LRRC4C: variants seen among roughly 807,000 people sequenced by gnomAD.
LRRC4C encodes the protein leucine rich repeat containing 4C.
Under a neutral mutation model 33.6 loss-of-function variants are expected in LRRC4C, and 5 were observed. That is an observed-to-expected ratio of 0.15 (90% CI 0.08 to 0.31). The LOEUF (loss-of-function observed/expected upper bound fraction) is 0.31. Among genes scored for constraint, LRRC4C ranks in the 10% least tolerant of loss-of-function variants. LRRC4C has a pLI of 1.00. For missense variants in LRRC4C, 560 were observed against 796.7 expected (o/e 0.70, Z 3.58); for synonymous variants, 329 against 302.0 (o/e 1.09, Z -0.93).
intron 1 of LRRC4C, among the ~76,000 whole-genome samples, chr11:41,411,401 G>A (rs777987781): frequency 5.3e-5 from 8 of 151,650 alleles, no homozygotes; most frequent in South Asian, 2.1e-4. Flanking sequence ...GCCCACCTCC[G>A]CCTCCCAAAG....
At chr11:40,879,635 GACAC>G (rs1447376537) in intron 2 of LRRC4C, among the ~76,000 whole-genome samples, 5 of 152,060 alleles carry the variant, frequency 3.3e-5, no homozygotes, top group Admixed American at 3.3e-4. Flanking sequence ...GCAGCAAACA[GACAC>G]ACACACGCAC....
intron 2 of LRRC4C, among the ~76,000 whole-genome samples, chr11:40,932,115 G>A (rs1957655569): frequency 6.6e-6 from 1 of 152,152 alleles, no homozygotes; most frequent in African/African-American, 2.4e-5. Flanking sequence ...AGAATTTGCA[G>A]CATTGCTATA....
chr11:40,723,234 G>A (rs1947117334), intron 2 of LRRC4C, among the ~76,000 whole-genome samples: 1 of 151,774 alleles, frequency 6.6e-6, no homozygotes, highest in Non-Finnish European at 1.5e-5. Context: ...AGGTCAACAG[G>A]GGAATATGAA....
chr11:40,893,822 C>A (rs10837521), intron 2 of LRRC4C, among the ~76,000 whole-genome samples: 419 of 4,760 alleles, frequency 0.088, 2 homozygotes, highest in Non-Finnish European at 0.31. Flanking sequence ...TATTATAACA[C>A]ACACACACAC....
chr11:40,312,028 G>T (rs1945339655), intron 4 of LRRC4C, among the ~76,000 whole-genome samples: 2 of 151,184 alleles, frequency 1.3e-5, no homozygotes, highest in South Asian at 4.2e-4. Flanking sequence ...GCATCTTAAA[G>T]CTATGGATTT....
intron 2 of LRRC4C, among the ~76,000 whole-genome samples, chr11:40,804,591 T>C (rs957915577): frequency 1.3e-5 from 2 of 152,140 alleles, no homozygotes; most frequent in African/African-American, 4.8e-5. Context: ...CCACTGTGTA[T>C]TACGTTCCCC....
chr11:40,187,934 A>G (rs1045959876), intron 5 of LRRC4C, among the ~76,000 whole-genome samples: 1 of 152,228 alleles, frequency 6.6e-6, no homozygotes, highest in African/African-American at 2.4e-5. Flanking sequence ...ATCCTCTGCT[A>G]GCCAGCCAGA....
intron 4 of LRRC4C, among the ~76,000 whole-genome samples, chr11:40,274,420 C>CACAT (rs1250508519): frequency 1.6e-5 from 2 of 125,670 alleles, no homozygotes; most frequent in Admixed American, 8.6e-5. Context: ...AATAGACACA[C>CACAT]ACATACACAC....
chr11:40,401,283 A>G (rs532695673), intron 3 of LRRC4C, among the ~76,000 whole-genome samples: 3 of 151,576 alleles, frequency 2.0e-5, no homozygotes, highest in South Asian at 4.2e-4. Flanking sequence ...GTAAGCTCTT[A>G]TCTTACCACA....
intron 2 of LRRC4C, among the ~76,000 whole-genome samples, chr11:40,763,171 T>C (rs934387552): frequency 2.0e-5 from 3 of 151,754 alleles, no homozygotes; most frequent in African/African-American, 7.3e-5. Context: ...TATGCATATA[T>C]TGTGGGAACT....
chr11:40,701,990 A>C (rs1945881856), intron 2 of LRRC4C, among the ~76,000 whole-genome samples: 1 of 151,962 alleles, frequency 6.6e-6, no homozygotes, highest in Admixed American at 6.6e-5. Context: ...TGAAATAATT[A>C]GTAAATATAA....
At chr11:41,028,333 A>G (rs1856511536) in intron 1 of LRRC4C, among the ~76,000 whole-genome samples, 1 of 151,730 alleles carries the variant, frequency 6.6e-6, no homozygotes, top group Non-Finnish European at 1.5e-5. Flanking sequence ...GTTTGGTTTC[A>G]AAATAGACTT....
chr11:41,137,257 GA>G (rs1024141825), intron 1 of LRRC4C, among the ~76,000 whole-genome samples: 5 of 151,366 alleles, frequency 3.3e-5, no homozygotes, highest in East Asian at 3.9e-4. Context: ...AAGAAAAAAA[GA>G]AAAAAAAGTG....
chr11:41,083,417 C>A (rs1284461944), intron 1 of LRRC4C, among the ~76,000 whole-genome samples: 3 of 152,054 alleles, frequency 2.0e-5, no homozygotes, highest in African/African-American at 4.8e-5. Context: ...AAGAATGCAA[C>A]AGAGAACAGA....
chr11:41,180,330 G>T (rs1332335877), intron 1 of LRRC4C, among the ~76,000 whole-genome samples: 1 of 152,160 alleles, frequency 6.6e-6, no homozygotes, highest in Admixed American at 6.5e-5. Flanking sequence ...ATCCAGTGAG[G>T]TATTTCTTGT....
chr11:41,311,040 A>G (rs1327281050), intron 1 of LRRC4C, among the ~76,000 whole-genome samples: 1 of 152,206 alleles, frequency 6.6e-6, no homozygotes, highest in East Asian at 1.9e-4. Flanking sequence ...TTTGATTCGC[A>G]TCTATTCTTA....
chr11:41,109,128 A>C (rs944223875), intron 1 of LRRC4C, among the ~76,000 whole-genome samples: 1 of 151,998 alleles, frequency 6.6e-6, no homozygotes, highest in South Asian at 2.1e-4. Context: ...TTTCTCTCCT[A>C]TCTTCATCCC....
chr11:40,287,611 CA>C (rs1947311770), intron 4 of LRRC4C, among the ~76,000 whole-genome samples: 1 of 152,088 alleles, frequency 6.6e-6, no homozygotes. Flanking sequence ...AATATTTCTC[CA>C]CAAAAATTAT....
intron 1 of LRRC4C, among the ~76,000 whole-genome samples, chr11:41,297,689 C>T (rs537615680): frequency 6.6e-6 from 1 of 152,044 alleles, no homozygotes; most frequent in Non-Finnish European, 1.5e-5. Context: ...TATTTCAATA[C>T]ACTAATAGAA....
Sources: allele counts gnomAD v4.1 joint callset (sites outside exome capture counted in the v4.1 genomes callset), GRCh38; gene constraint gnomAD v4.1.1; transcripts MANE v1.5; gene names NCBI Gene and HGNC (gene_info 2026-07-23, HGNC 2026-07-21).